Variants in PHF8 observed in about 807,000 individuals in gnomAD.
PHF8 encodes the protein histone lysine demethylase PHF8.
PHF8 carries 9 observed loss-of-function variants against 74.4 expected under a neutral mutation model. The ratio of observed to expected loss-of-function variants is 0.12; its 90% CI spans 0.07 to 0.21. The LOEUF (loss-of-function observed/expected upper bound fraction) is 0.21, where lower values mean the gene tolerates loss of function less well. Among genes scored for constraint, PHF8 ranks in the 10% least tolerant of loss-of-function variants. PHF8 has a pLI of 1.00. For synonymous variants in PHF8, 311 were observed against 316.6 expected (o/e 0.98, Z 0.19); for missense variants, 478 against 816.6 (o/e 0.59, Z 5.05).
chrX:54,010,530 A>C (rs1342243887), intron 8 of PHF8, among the ~76,000 whole-genome samples: 1 of 111,835 alleles, frequency 8.9e-6, no homozygotes, highest in Non-Finnish European at 1.9e-5. Context: ...GCACTAGAGA[A>C]TTCTACTATA....
chrX:54,040,471 T>C (rs1450994073), intron 2 of PHF8, among the ~76,000 whole-genome samples: 3 of 112,205 alleles, frequency 2.7e-5, no homozygotes, highest in Non-Finnish European at 5.6e-5. Context: ...TATTTATAAC[T>C]ATGATATGAT....
At chrX:54,038,293 A>C (rs2066496067) in intron 2 of PHF8, among the ~76,000 whole-genome samples, 1 of 112,377 alleles carries the variant, frequency 8.9e-6, no homozygotes. Context: ...AAAAAAGAAT[A>C]ATATAAAAAG....
intron 20 of PHF8, chrX:53,943,455 T>C (rs2064782819): frequency 9.5e-7 from 1 of 1,055,519 alleles, no homozygotes; most frequent in Admixed American, 3.2e-5. Context: ...GGCAGATAGA[T>C]TACATTACAC....
chrX:54,036,370 G>A (rs781992416), intron 2 of PHF8, among the ~76,000 whole-genome samples: 4 of 108,377 alleles, frequency 3.7e-5, no homozygotes, highest in South Asian at 3.9e-4. Context: ...GTAACAGAAC[G>A]ATAACAGGAA....
In PHF8 at chrX:53,939,052, C is replaced by G; in HGVS notation, c.*106G>C. 8.9e-7 allele frequency: 1 copy of G among 1,124,993 alleles called. No individual in the cohort carries two copies. The highest frequency in any genetic ancestry group is 1.2e-6 in the Non-Finnish European group (1 of 850,450). The allele number at this position is 1,124,993 out of a possible 1,213,427, so 92.7% of individuals were successfully genotyped here. ...TAAGTCCCAAGAAAGCAGGACAATG[C>G]ACCTCAGCACCTTGTCCAGGGCAGA... On this transcript the variant is annotated 3_prime_UTR_variant, in exon 22 of 22. Coordinates refer to ENST00000338154, the MANE Select transcript of PHF8 (RefSeq NM_015107.3).
At chrX:53,998,719 C>G in intron 11 of PHF8, among the ~76,000 whole-genome samples, 1 of 111,713 alleles carries the variant, frequency 9.0e-6, no homozygotes, top group Non-Finnish European at 1.9e-5. Flanking sequence ...TTTTGGAGAT[C>G]TTTCCAAATC....
At chrX:54,031,598 A>C (rs1557112597) in intron 2 of PHF8, among the ~76,000 whole-genome samples, 1 of 108,989 alleles carries the variant, frequency 9.2e-6, no homozygotes, top group Non-Finnish European at 1.9e-5. Context: ...AAAAAAAAAA[A>C]CCCAAACAAA....
At chrX:53,979,934 A>G (rs2065452708) in intron 18 of PHF8, among the ~76,000 whole-genome samples, 1 of 111,389 alleles carries the variant, frequency 9.0e-6, no homozygotes, top group Non-Finnish European at 1.9e-5. Context: ...GGCTACGGTG[A>G]GCCAAAATTG....
At chrX:53,966,696 G>A (rs1296240541) in intron 18 of PHF8, among the ~76,000 whole-genome samples, 2 of 108,808 alleles carry the variant, frequency 1.8e-5, no homozygotes, top group South Asian at 4.1e-4. Flanking sequence ...GCCACCCATC[G>A]TCTGGGATGT....
chrX:53,995,232 G>A, intron 12 of PHF8: 1 of 340,863 alleles, frequency 2.9e-6, no homozygotes, highest in Non-Finnish European at 5.9e-6. Flanking sequence ...TGCAGAGACT[G>A]AGTCAAAATA....
intron 14 of PHF8, among the ~76,000 whole-genome samples, chrX:53,991,371 G>C (rs1268237931): frequency 9.0e-6 from 1 of 111,521 alleles, no homozygotes; most frequent in Non-Finnish European, 1.9e-5. Flanking sequence ...TAAAAACTTG[G>C]TATAACAAGG....
chrX:53,941,594 T>C (rs1679631866), intron 20 of PHF8, among the ~76,000 whole-genome samples: 1 of 112,113 alleles, frequency 8.9e-6, no homozygotes, highest in African/African-American at 3.2e-5. Context: ...TCTGAAATGC[T>C]ACACAGCCAC....
intron 18 of PHF8, among the ~76,000 whole-genome samples, chrX:53,976,356 A>C (rs932199415): frequency 9.0e-6 from 1 of 111,287 alleles, no homozygotes; most frequent in Non-Finnish European, 1.9e-5. Context: ...AAAGAAACGA[A>C]AAAGGTCTCA....
chrX:53,941,606 C>G (rs1317174818), intron 20 of PHF8, among the ~76,000 whole-genome samples: 2 of 112,000 alleles, frequency 1.8e-5, no homozygotes, highest in Non-Finnish European at 3.8e-5. Flanking sequence ...CACAGCCACA[C>G]AAACCAACTC....
Position 53,938,377 on chromosome X carries a change from T to C in PHF8, c.*781A>G. The C allele has an allele frequency of 1.1e-6, 1 of 881,025 alleles. No homozygotes were observed. 72.6% of individuals were successfully genotyped at this position (881,025 alleles called of 1,213,427 possible). On this transcript the variant is annotated 3_prime_UTR_variant, in exon 22 of 22. Transcript: ENST00000338154. The stretch of plus-strand genomic sequence containing the variant: ...TACATGATTTCAAAATCCAGGCAAA[T>C]CCCTGGAGCTCACCCTAAAACAAGT...
intron 19 of PHF8, among the ~76,000 whole-genome samples, chrX:53,945,993 G>A (rs1557085061): frequency 9.0e-6 from 1 of 111,614 alleles, no homozygotes; most frequent in Non-Finnish European, 1.9e-5. Flanking sequence ...CTTTTATAAT[G>A]CCTTACCAAC....
At chrX:54,045,045 C>T (rs2066621584), upstream of PHF8, 5 of 500,813 alleles carry the variant, frequency 1.0e-5, no homozygotes, top group East Asian at 1.9e-4. Context: ...GAACCTTGTG[C>T]CCTGTGCTAC....
At chrX:54,047,550 G>C (rs1201223346), upstream of PHF8, among the ~76,000 whole-genome samples, 4 of 111,763 alleles carry the variant, frequency 3.6e-5, no homozygotes, top group African/African-American at 6.5e-5. Flanking sequence ...GGCGGAAACA[G>C]TCAATGATCA....
intron 2 of PHF8, among the ~76,000 whole-genome samples, chrX:54,023,316 GAA>G (rs2066208927): frequency 9.1e-6 from 1 of 109,656 alleles, no homozygotes; most frequent in Admixed American, 9.8e-5. Flanking sequence ...TTTATTAAAC[GAA>G]AAAGACTAAA....
Sources: allele counts gnomAD v4.1 joint callset (sites outside exome capture counted in the v4.1 genomes callset), GRCh38; gene constraint gnomAD v4.1.1; transcripts MANE v1.5; gene names NCBI Gene and HGNC (gene_info 2026-07-23, HGNC 2026-07-21).